Variants in NBAS observed in about 807,000 individuals in gnomAD.
NBAS encodes the protein NAG/BC035112 fusion.
NBAS carries 219 observed loss-of-function variants against 302.5 expected under a neutral mutation model. That is an observed-to-expected ratio of 0.72 (90% CI 0.65 to 0.81). The LOEUF (loss-of-function observed/expected upper bound fraction) is 0.81, where lower values mean the gene tolerates loss of function less well. Ranked by LOEUF, NBAS falls within the 30% of genes least tolerant of loss-of-function variation. The probability of loss-of-function intolerance (pLI) is 0.00; values close to 1 mark genes in which losing one functional copy is unlikely to be tolerated. For missense variants in NBAS, 2,932 were observed against 2,841.6 expected, an observed-to-expected ratio of 1.03 and a Z score of -0.72; for synonymous variants, 1,118 against 1,021.6, an observed-to-expected ratio of 1.09 and a Z score of -1.80.
intron 42 of NBAS, among the ~76,000 whole-genome samples, chr2:15,278,068 A>G (rs1486018149): frequency 6.6e-6 from 1 of 152,178 alleles, no homozygotes; most frequent in African/African-American, 2.4e-5. Context: ...TAGGCTTCAA[A>G]AAGTTCTAAA....
the NBAS span, among the ~76,000 whole-genome samples, chr2:14,986,923 TA>T: frequency 6.6e-6 from 1 of 152,142 alleles, no homozygotes; most frequent in South Asian, 2.1e-4. Context: ...GAGAAATTTT[TA>T]TTTTTTTAAT....
the NBAS span, among the ~76,000 whole-genome samples, chr2:14,798,289 T>G: frequency 6.6e-6 from 1 of 152,174 alleles, no homozygotes; most frequent in African/African-American, 2.4e-5. Flanking sequence ...TCAGATACCT[T>G]TTTGAGGAAT....
At chr2:14,966,173 C>T in the NBAS span, among the ~76,000 whole-genome samples, 2 of 152,152 alleles carry the variant, frequency 1.3e-5, no homozygotes, top group African/African-American at 4.8e-5. Flanking sequence ...ACCTGGAAAT[C>T]TTGTCAGACT....
At chr2:14,785,792 T>A in the NBAS span, among the ~76,000 whole-genome samples, 1 of 152,190 alleles carries the variant, frequency 6.6e-6, no homozygotes, top group African/African-American at 2.4e-5. Context: ...TTTTTTTGGT[T>A]GTGTCTCTGC....
chr2:15,421,684 T>A (rs1239775669), intron 23 of NBAS, among the ~76,000 whole-genome samples: 1 of 151,914 alleles, frequency 6.6e-6, no homozygotes, highest in Non-Finnish European at 1.5e-5. Context: ...ACAAGCCAAC[T>A]GAAGTCCTCC....
the NBAS span, among the ~76,000 whole-genome samples, chr2:15,112,429 C>T: frequency 2.6e-5 from 4 of 151,880 alleles, no homozygotes; most frequent in Non-Finnish European, 1.5e-5. Context: ...CAGTGAAGAT[C>T]CAACATACGT....
At chr2:14,913,958 G>C in the NBAS span, among the ~76,000 whole-genome samples, 1 of 152,162 alleles carries the variant, frequency 6.6e-6, no homozygotes, top group Admixed American at 6.5e-5. Context: ...CTGAGACTGG[G>C]TGATTTATAA....
the NBAS span, among the ~76,000 whole-genome samples, chr2:14,807,378 A>G: frequency 6.6e-6 from 1 of 152,138 alleles, no homozygotes; most frequent in African/African-American, 2.4e-5. Context: ...GATACCTCCA[A>G]CAAAATAATT....
At chr2:15,397,478 C>A (rs1420273780) in intron 26 of NBAS, 1 of 522,490 alleles carries the variant, frequency 1.9e-6, no homozygotes, top group East Asian at 5.2e-5. Flanking sequence ...ACCCGCAGGT[C>A]AAAATTGGCG....
chr2:15,176,744 T>C (rs1218123161), intron 51 of NBAS, among the ~76,000 whole-genome samples: 2 of 152,192 alleles, frequency 1.3e-5, no homozygotes, highest in Non-Finnish European at 2.9e-5. Context: ...TTCAAAAGTG[T>C]TGAATTTGAG....
At chr2:14,902,655 C>T in the NBAS span, among the ~76,000 whole-genome samples, 1 of 152,228 alleles carries the variant, frequency 6.6e-6, no homozygotes, top group African/African-American at 2.4e-5. Context: ...GAGACCTATT[C>T]CCTGATCAAA....
intron 11 of NBAS, among the ~76,000 whole-genome samples, chr2:15,492,395 T>C (rs1270281997): frequency 6.6e-6 from 1 of 152,228 alleles, no homozygotes; most frequent in Non-Finnish European, 1.5e-5. Flanking sequence ...ACTTAGGTTA[T>C]GTTGGAAATA....
At chr2:15,400,985 T>G in intron 26 of NBAS, among the ~76,000 whole-genome samples, 1 of 152,158 alleles carries the variant, frequency 6.6e-6, no homozygotes, top group Middle Eastern at 3.2e-3. Flanking sequence ...GTAAACAACT[T>G]TAGCAAAAAT....
At chr2:15,516,722 C>CA (rs67488599) in intron 9 of NBAS, among the ~76,000 whole-genome samples, 259 of 135,864 alleles carry the variant, frequency 1.9e-3, no homozygotes, top group South Asian at 0.015. Context: ...GACTCCATTT[C>CA]AAAAAAAAAA....
the NBAS span, among the ~76,000 whole-genome samples, chr2:15,099,911 A>G: frequency 6.6e-6 from 1 of 152,246 alleles, no homozygotes; most frequent in African/African-American, 2.4e-5. Flanking sequence ...CATTTGAAAG[A>G]CACACACAAA....
At chr2:14,921,381 G>T in the NBAS span, among the ~76,000 whole-genome samples, 1 of 152,110 alleles carries the variant, frequency 6.6e-6, no homozygotes, top group African/African-American at 2.4e-5. Context: ...AATATTGTCA[G>T]AATTACCAAA....
At chr2:15,323,444 G>C (rs1671913937) in intron 38 of NBAS, among the ~76,000 whole-genome samples, 1 of 152,196 alleles carries the variant, frequency 6.6e-6, no homozygotes, top group South Asian at 2.1e-4. Context: ...AGAGAGTTAA[G>C]TCTCAGTATG....
intron 23 of NBAS, among the ~76,000 whole-genome samples, chr2:15,423,866 G>C (rs1390782377): frequency 6.6e-6 from 1 of 152,182 alleles, no homozygotes; most frequent in Non-Finnish European, 1.5e-5. Context: ...CTCTGTAAAA[G>C]TGTCTAAGAA....
chr2:14,783,665 G>T, the NBAS span, among the ~76,000 whole-genome samples: 2 of 151,430 alleles, frequency 1.3e-5, no homozygotes, highest in African/African-American at 2.4e-5. Context: ...GTTTTTTATG[G>T]CTGCATAGTA....
Sources: gnomAD v4.1 joint callset for allele counts (sites outside exome capture counted in the v4.1 genomes callset) on GRCh38, gnomAD v4.1.1 for gene constraint, MANE v1.5 for transcripts, NCBI Gene and HGNC (gene_info 2026-07-23, HGNC 2026-07-21) for gene names.